The following STX2 variants were observed in gnomAD, a reference collection of about 807,000 sequenced individuals.
STX2 encodes the protein syntaxin 2, also known as syntaxin-2.
STX2 carries 27 observed loss-of-function variants against 40.6 expected under a neutral mutation model. That is an observed-to-expected ratio of 0.66 (90% CI 0.49 to 0.92). The LOEUF (loss-of-function observed/expected upper bound fraction) is 0.92. Among genes scored for constraint, STX2 ranks in the 40% least tolerant of loss-of-function variants. The probability of loss-of-function intolerance (pLI) is 0.00; values close to 1 mark genes in which losing one functional copy is unlikely to be tolerated. For synonymous variants in STX2, 123 were observed against 119.1 expected (o/e 1.03, Z -0.22); for missense variants, 328 against 366.1 (o/e 0.90, Z 0.85).
intron 1 of STX2, among the ~76,000 whole-genome samples, chr12:130,828,137 G>A (rs750095788): frequency 2.0e-4 from 31 of 152,052 alleles, no homozygotes; most frequent in Non-Finnish European, 4.3e-4. Context: ...ATTTATCAGT[G>A]TTTTATAAGG....
intron 3 of STX2, among the ~76,000 whole-genome samples, chr12:130,818,525 G>C (rs1410009543): frequency 6.6e-6 from 1 of 152,124 alleles, no homozygotes; most frequent in African/African-American, 2.4e-5. Flanking sequence ...GGTGGGACAG[G>C]ATCTGAATCC....
At chr12:130,803,498 C>T (rs1247650716) in intron 6 of STX2, among the ~76,000 whole-genome samples, 1 of 151,760 alleles carries the variant, frequency 6.6e-6, no homozygotes, top group East Asian at 1.9e-4. Context: ...GTGAAAACCT[C>T]GTCTCTACAA....
At chr12:130,820,700 A>G (rs1347050040) in intron 3 of STX2, among the ~76,000 whole-genome samples, 1 of 152,168 alleles carries the variant, frequency 6.6e-6, no homozygotes, top group Non-Finnish European at 1.5e-5. Flanking sequence ...TAAAAAATAA[A>G]GTACATACGA....
chr12:130,805,348 A>G (rs1218668422), intron 6 of STX2, among the ~76,000 whole-genome samples: 2 of 152,230 alleles, frequency 1.3e-5, no homozygotes, highest in Non-Finnish European at 2.9e-5. Context: ...AAGCCAGGTG[A>G]GCCTGCTGCT....
rs1950880223 is a variant in STX2 at position 130,791,696 on chromosome 12, G to A, written c.*327C>T. On this transcript the variant is annotated 3_prime_UTR_variant, in exon 11 of 11. Transcript: ENST00000392373. ...CACATTCTGTAGTGTGTCATTCAGG[G>A]TCACGCATCACACCCACTGTGCTTA... 1 of 527,136 alleles carries A rather than the reference G, an allele frequency of 1.9e-6. No individual in the cohort carries two copies. Among genetic ancestry groups the A allele is most frequent in the South Asian group, 2.6e-5 (1 of 37,968 alleles). 32.7% of individuals were successfully genotyped at this position (527,136 alleles called of 1,614,324 possible).
intron 2 of STX2, among the ~76,000 whole-genome samples, chr12:130,822,047 T>A (rs1206391633): frequency 2.0e-5 from 3 of 152,138 alleles, no homozygotes; most frequent in Admixed American, 2.0e-4. Context: ...TCTAGTCAAG[T>A]CCCAAGCATG....
At chr12:130,807,230 A>G (rs1007966901) in intron 5 of STX2, 140 bp from the exon 6 acceptor site, 6 of 776,494 alleles carry the variant, frequency 7.7e-6, no homozygotes, top group Non-Finnish European at 1.0e-5. Context: ...CAAAGTCCCC[A>G]TGGCAGCATC....
intron 8 of STX2, among the ~76,000 whole-genome samples, chr12:130,799,001 G>C (rs886328485): frequency 8.5e-5 from 13 of 152,208 alleles, no homozygotes; most frequent in Admixed American, 5.9e-4. Context: ...TGCACAGACA[G>C]ACAATATACA....
chr12:130,798,281 C>A, intron 9 of STX2: 2 of 274,456 alleles, frequency 7.3e-6, no homozygotes, highest in Admixed American at 5.4e-5. Context: ...GCTGGGATTA[C>A]AGGCGTGCCA....
intron 4 of STX2, among the ~76,000 whole-genome samples, chr12:130,811,437 T>C (rs926091023): frequency 6.6e-6 from 1 of 151,684 alleles, no homozygotes; most frequent in Non-Finnish European, 1.5e-5. Context: ...TCATCCATTT[T>C]TGACAATATC....
At chr12:130,797,756 A>C (rs911202191) in intron 9 of STX2, among the ~76,000 whole-genome samples, 34 of 152,260 alleles carry the variant, frequency 2.2e-4, no homozygotes, top group African/African-American at 8.2e-4. Flanking sequence ...AAAATCACAC[A>C]GGGTTCCCTG....
intron 6 of STX2, among the ~76,000 whole-genome samples, chr12:130,803,773 T>C (rs1951324020): frequency 6.6e-6 from 1 of 151,596 alleles, no homozygotes; most frequent in Admixed American, 6.6e-5. Context: ...CAGCCTGGGG[T>C]TACAGAATGT....
chr12:130,817,710 T>C (rs894130246), intron 3 of STX2, among the ~76,000 whole-genome samples: 2 of 151,194 alleles, frequency 1.3e-5, no homozygotes, highest in African/African-American at 2.4e-5. Context: ...AAGCTCTAAT[T>C]AGCTGACAAA....
At chr12:130,800,155 T>A (rs1951170630) in intron 8 of STX2, among the ~76,000 whole-genome samples, 1 of 152,132 alleles carries the variant, frequency 6.6e-6, no homozygotes, top group Admixed American at 6.5e-5. Flanking sequence ...TCCATGGTAT[T>A]TGAAAAATAA....
rs1950842096 is a variant in STX2 at position 130,790,222 on chromosome 12, G to A, written c.*1801C>T. The A allele has an allele frequency of 6.6e-6, 1 of 152,254 alleles. No homozygotes were observed. The highest frequency in any genetic ancestry group is 2.1e-4 in the South Asian group (1 of 4,826). 9.4% of individuals were successfully genotyped at this position (152,254 alleles called of 1,614,324 possible). On this transcript the variant is annotated 3_prime_UTR_variant, in exon 11 of 11. Coordinates refer to ENST00000392373, the MANE Select transcript of STX2 (RefSeq NM_194356.4). ...AGTAACTGCCACACAGTGACCACCAGCGAGTGATCCAATGGACGCATCATG... is the reference window on the plus strand; with the variant it reads ...AGTAACTGCCACACAGTGACCACCAACGAGTGATCCAATGGACGCATCATG...
intron 3 of STX2, among the ~76,000 whole-genome samples, chr12:130,819,486 G>A (rs968371267): frequency 6.6e-6 from 1 of 152,182 alleles, no homozygotes; most frequent in Non-Finnish European, 1.5e-5. Context: ...TTCACACTCT[G>A]TCACAAAACA....
chr12:130,807,890 T>C (rs1951500932), intron 5 of STX2, among the ~76,000 whole-genome samples: 1 of 152,162 alleles, frequency 6.6e-6, no homozygotes, highest in South Asian at 2.1e-4. Flanking sequence ...CTCAAACAGA[T>C]GGCTGCAGTG....
At chr12:130,836,138 T>G (rs941671174) in intron 1 of STX2, among the ~76,000 whole-genome samples, 2 of 151,826 alleles carry the variant, frequency 1.3e-5, no homozygotes, top group African/African-American at 4.8e-5. Flanking sequence ...AAGGACACAT[T>G]TCCTGGGGCG....
At position 130,827,242 on chromosome 12, in the gene STX2, G is replaced by T; in HGVS notation, c.56C>A (p.Thr19Lys). ...TACRKNDDGD[T>K]VVVVEKDHFM... ...ATGATCTTTCTCAACCACAACAACT[G>T]TGTCTCCATCATCATTCTTCCTACA... Residue 19 changes from threonine to lysine, a missense_variant, in exon 2 of 11, where the codon ACA (threonine) becomes AAA (lysine). Transcript: ENST00000392373. 2.5e-6 allele frequency: 4 copies of T among 1,613,882 alleles called. No homozygotes were observed. Among genetic ancestry groups the T allele is most frequent in the Non-Finnish European group, 3.4e-6 (4 of 1,179,928 alleles).
Sources: allele counts gnomAD v4.1 joint callset (sites outside exome capture counted in the v4.1 genomes callset), GRCh38; gene constraint gnomAD v4.1.1; transcripts MANE v1.5; gene names NCBI Gene and HGNC (gene_info 2026-07-23, HGNC 2026-07-21).